Variants in ROR1 observed in about 807,000 individuals in gnomAD.
ROR1 encodes the protein inactive tyrosine-protein kinase transmembrane receptor ROR1.
A neutral mutation model predicts 78.8 loss-of-function variants in ROR1; 19 were observed. The observed-to-expected ratio is 0.24, with a 90% confidence interval of 0.17 to 0.35. The LOEUF (loss-of-function observed/expected upper bound fraction) is 0.35, where lower values mean the gene tolerates loss of function less well. ROR1 is among the 10% of genes least tolerant of loss of function. The pLI is 1.00. For synonymous variants in ROR1, 386 were observed against 433.6 expected (o/e 0.89, Z 1.36); for missense variants, 917 against 1,177.8 (o/e 0.78, Z 3.24).
At chr1:63,870,162 A>G (rs1645242580) in intron 1 of ROR1, among the ~76,000 whole-genome samples, 1 of 152,184 alleles carries the variant, frequency 6.6e-6, no homozygotes. Context: ...TGGAAATCAT[A>G]CTGAAGATAC....
At position 64,162,673 on chromosome 1, in the gene ROR1, T is replaced by C. The variant is rs539993583; in HGVS notation, c.1386+3481T>C. On this transcript the variant is annotated intron_variant, in intron 8 of 8. Coordinates refer to ENST00000371079, the MANE Select transcript of ROR1 (RefSeq NM_005012.4). ...AAGACTGTTTATTTTCCTGTTATTT[T>C]GTTTAGCCAAAGATTTGAAGCCATT... Among the ~76,000 whole-genome samples, 9 of 152,380 alleles carry C rather than the reference T, an allele frequency of 5.9e-5. No homozygotes were observed. In the South Asian group the frequency reaches 1.7e-3, roughly 28 times the overall value.
chr1:63,946,349 C>T (rs138179695), intron 1 of ROR1, among the ~76,000 whole-genome samples: 11 of 152,272 alleles, frequency 7.2e-5, no homozygotes, highest in South Asian at 2.1e-4. Flanking sequence ...CCTCCCCCAG[C>T]GTTTTTCCCC....
intron 1 of ROR1, among the ~76,000 whole-genome samples, chr1:63,871,339 C>CG (rs1031667003): frequency 6.6e-6 from 1 of 152,076 alleles, no homozygotes; most frequent in Non-Finnish European, 1.5e-5. Flanking sequence ...GTTGAGGCCT[C>CG]GAGCTGAGGA....
chr1:64,044,248 A>G (rs1264145129), intron 2 of ROR1, among the ~76,000 whole-genome samples: 1 of 152,182 alleles, frequency 6.6e-6, no homozygotes, highest in African/African-American at 2.4e-5. Flanking sequence ...GGGAAAGGGC[A>G]GCTATGGAGT....
At chr1:63,888,305 A>G (rs1645370981) in intron 1 of ROR1, among the ~76,000 whole-genome samples, 1 of 152,160 alleles carries the variant, frequency 6.6e-6, no homozygotes, top group African/African-American at 2.4e-5. Context: ...GAAACATGAA[A>G]AAAAGTCTGT....
chr1:64,014,723 A>ATATATATATATATATATATG (rs1646503542), intron 2 of ROR1, among the ~76,000 whole-genome samples: 4 of 47,768 alleles, frequency 8.4e-5, no homozygotes, highest in South Asian at 1.0e-3. Context: ...CTATATATAT[A>ATATATATATATATATATATG]TATACACATA....
At chr1:63,831,317 C>G (rs1273384188) in intron 1 of ROR1, among the ~76,000 whole-genome samples, 1 of 152,236 alleles carries the variant, frequency 6.6e-6, no homozygotes, top group Non-Finnish European at 1.5e-5. Flanking sequence ...TAGAGGTTCT[C>G]CATGAGGACT....
chr1:63,952,290 C>A (rs1287929300), intron 1 of ROR1, among the ~76,000 whole-genome samples: 3 of 152,078 alleles, frequency 2.0e-5, no homozygotes, highest in Non-Finnish European at 4.4e-5. Context: ...ACATGCTGGG[C>A]CTTTTCGAGG....
intron 1 of ROR1, among the ~76,000 whole-genome samples, chr1:63,937,899 T>C (rs1322001680): frequency 6.6e-6 from 1 of 152,178 alleles, no homozygotes; most frequent in African/African-American, 2.4e-5. Context: ...TAGACAGGCA[T>C]TTAGACTTGA....
intron 1 of ROR1, among the ~76,000 whole-genome samples, chr1:63,865,444 C>A (rs1250937073): frequency 6.6e-6 from 1 of 152,194 alleles, no homozygotes; most frequent in Non-Finnish European, 1.5e-5. Flanking sequence ...GATATTATTT[C>A]AATTGCAGTT....
chr1:63,897,952 A>G (rs998543783), intron 1 of ROR1, among the ~76,000 whole-genome samples: 1 of 152,190 alleles, frequency 6.6e-6, no homozygotes, highest in East Asian at 1.9e-4. Context: ...TAGTTAACTT[A>G]CTGCCAATCT....
chr1:63,946,268 G>C (rs1645888392), intron 1 of ROR1, among the ~76,000 whole-genome samples: 1 of 152,174 alleles, frequency 6.6e-6, no homozygotes, highest in African/African-American at 2.4e-5. Flanking sequence ...TTACTGCCAA[G>C]GGGACTAGAA....
intron 1 of ROR1, among the ~76,000 whole-genome samples, chr1:63,974,239 A>G (rs1049600640): frequency 2.6e-5 from 4 of 152,354 alleles, no homozygotes; most frequent in East Asian, 1.9e-4. Context: ...AATTCTTACT[A>G]GCTGTGTGGC....
At chr1:64,099,244 A>T (rs1053560618) in intron 4 of ROR1, among the ~76,000 whole-genome samples, 2 of 152,182 alleles carry the variant, frequency 1.3e-5, no homozygotes, top group African/African-American at 4.8e-5. Context: ...GGATCAGGCA[A>T]TTGAGCCTCA....
chr1:64,143,156 G>A (rs1649375577), intron 7 of ROR1: 1 of 990,642 alleles, frequency 1.0e-6, no homozygotes, highest in Non-Finnish European at 1.2e-6. Context: ...GAAGCATATA[G>A]GTATCTAGTA....
intron 1 of ROR1, among the ~76,000 whole-genome samples, chr1:63,855,705 G>A (rs1645143699): frequency 6.6e-6 from 1 of 151,566 alleles, no homozygotes; most frequent in Admixed American, 6.6e-5. Context: ...CTGGAGTGCA[G>A]TGGTATGATC....
At chr1:64,028,716 T>G (rs1164254290) in intron 2 of ROR1, among the ~76,000 whole-genome samples, 2 of 152,214 alleles carry the variant, frequency 1.3e-5, no homozygotes, top group Non-Finnish European at 2.9e-5. Context: ...TTGGTACAGG[T>G]GTGCAATGCA....
intron 2 of ROR1, among the ~76,000 whole-genome samples, chr1:64,049,348 G>A (rs142338324): frequency 0.022 from 3,420 of 152,206 alleles, 48 homozygotes; most frequent in South Asian, 0.035. Context: ...GAGATTTGAG[G>A]TGAACTTTAT....
chr1:64,101,190 T>C (rs1647525981), intron 4 of ROR1, among the ~76,000 whole-genome samples: 1 of 152,130 alleles, frequency 6.6e-6, no homozygotes, highest in Non-Finnish European at 1.5e-5. Flanking sequence ...GGGAAGAGTT[T>C]TATGCCCACA....
Sources: allele counts gnomAD v4.1 joint callset (sites outside exome capture counted in the v4.1 genomes callset), GRCh38; gene constraint gnomAD v4.1.1; transcripts MANE v1.5; gene names NCBI Gene and HGNC (gene_info 2026-07-23, HGNC 2026-07-21).